RERG: variants seen among roughly 807,000 people sequenced by gnomAD.
RERG encodes the protein ras-related and estrogen-regulated growth inhibitor.
A neutral mutation model predicts 23.2 loss-of-function variants in RERG; 25 were observed. That is an observed-to-expected ratio of 1.08 (90% CI 0.79 to 1.50). RERG has a LOEUF of 1.50. Ranked by LOEUF, RERG falls within the 40% of genes most tolerant of loss-of-function variation. The probability of loss-of-function intolerance (pLI) is 0.00; values close to 1 mark genes in which losing one functional copy is unlikely to be tolerated. For missense variants in RERG, 253 were observed against 250.1 expected (o/e 1.01, Z -0.08); for synonymous variants, 81 against 89.1 (o/e 0.91, Z 0.51).
At chr12:15,124,524 T>G (rs1401968874) in intron 2 of RERG, among the ~76,000 whole-genome samples, 1 of 152,048 alleles carries the variant, frequency 6.6e-6, no homozygotes, top group African/African-American at 2.4e-5. Context: ...TGTCATTACT[T>G]TTCTTTATAG....
chr12:15,183,904 A>T (rs1864957683), intron 2 of RERG, among the ~76,000 whole-genome samples: 1 of 152,188 alleles, frequency 6.6e-6, no homozygotes, highest in Non-Finnish European at 1.5e-5. Flanking sequence ...TTCCATAAAG[A>T]GTAGAATGAG....
At chr12:15,178,990 G>A (rs549001121) in intron 2 of RERG, among the ~76,000 whole-genome samples, 1 of 152,158 alleles carries the variant, frequency 6.6e-6, no homozygotes, top group Non-Finnish European at 1.5e-5. Context: ...TTCTCCAGCT[G>A]TTCTGCCTAG....
At chr12:15,217,744 T>G in intron 1 of RERG, 141 bp from the exon 2 acceptor site, 1 of 396,224 alleles carries the variant, frequency 2.5e-6, no homozygotes, top group East Asian at 4.8e-5. Flanking sequence ...GAGAAGTCTA[T>G]GGTAACTTAC....
intron 2 of RERG, among the ~76,000 whole-genome samples, chr12:15,187,163 C>T (rs1191595103): frequency 1.3e-5 from 2 of 151,918 alleles, no homozygotes; most frequent in African/African-American, 2.4e-5. Flanking sequence ...AGGAAATAGA[C>T]TCTGAAAATT....
At chr12:15,151,659 G>A (rs1322518758) in intron 2 of RERG, among the ~76,000 whole-genome samples, 1 of 152,132 alleles carries the variant, frequency 6.6e-6, no homozygotes, top group African/African-American at 2.4e-5. Context: ...GAACTGAATG[G>A]TAGTGGATCA....
At chr12:15,215,136 G>T (rs1865422538) in intron 2 of RERG, among the ~76,000 whole-genome samples, 1 of 152,218 alleles carries the variant, frequency 6.6e-6, no homozygotes, top group African/African-American at 2.4e-5. Context: ...AGAGAAAACA[G>T]TCCAAAGAAG....
intron 2 of RERG, among the ~76,000 whole-genome samples, chr12:15,159,248 A>G (rs1001712904): frequency 6.6e-6 from 1 of 152,158 alleles, no homozygotes; most frequent in Admixed American, 6.5e-5. Flanking sequence ...CACCAGGGAG[A>G]GTCCTTTCAA....
At chr12:15,161,227 A>AAAGAAAGG (rs1864610556) in intron 2 of RERG, among the ~76,000 whole-genome samples, 1 of 121,436 alleles carries the variant, frequency 8.2e-6, no homozygotes, top group Non-Finnish European at 1.9e-5. Flanking sequence ...AGAAAGAAAG[A>AAAGAAAGG]AACAGGGGCA....
At chr12:15,170,070 AAAGT>A (rs1357145743) in intron 2 of RERG, among the ~76,000 whole-genome samples, 1 of 152,072 alleles carries the variant, frequency 6.6e-6, no homozygotes, top group African/African-American at 2.4e-5. Context: ...CGCCAGATTC[AAAGT>A]AAGTGAGAAA....
intron 2 of RERG, chr12:15,154,203 T>C (rs1196895720): frequency 6.6e-6 from 1 of 152,226 alleles, no homozygotes; most frequent in Admixed American, 6.5e-5. Flanking sequence ...AGTACAGTTA[T>C]ATATTCTGAA....
chr12:15,138,936 T>C lies in RERG; in HGVS notation c.62-17817A>G, dbSNP rs181102557. Among the ~76,000 whole-genome samples the C allele has an allele frequency of 3.4e-4, 52 of 151,648 alleles. 1 individual carries two copies. The East Asian group carries it at 8.9e-3, about 26-fold the overall frequency. On this transcript the variant is annotated intron_variant, in intron 2 of 4. Transcript: ENST00000256953. ...TCTCCTATACTATAATCTAGAAACCTTACAGTTTTGCATTTTACATTTAGG... is the reference window on the plus strand; with the variant it reads ...TCTCCTATACTATAATCTAGAAACCCTACAGTTTTGCATTTTACATTTAGG...
chr12:15,179,558 G>T (rs1041190907), intron 2 of RERG, among the ~76,000 whole-genome samples: 1 of 152,146 alleles, frequency 6.6e-6, no homozygotes, highest in Non-Finnish European at 1.5e-5. Context: ...TCTGGCTTAT[G>T]CCCCTGATTG....
intron 2 of RERG, among the ~76,000 whole-genome samples, chr12:15,162,554 T>C (rs1479181021): frequency 6.6e-6 from 1 of 152,210 alleles, no homozygotes; most frequent in Non-Finnish European, 1.5e-5. Flanking sequence ...ATAAGCATTA[T>C]ACATCCATTG....
intron 3 of RERG, among the ~76,000 whole-genome samples, chr12:15,120,782 T>A (rs1863816966): frequency 6.6e-6 from 1 of 152,198 alleles, no homozygotes; most frequent in South Asian, 2.1e-4. Flanking sequence ...AGAATGATAC[T>A]GCATTTTTCT....
intron 2 of RERG, among the ~76,000 whole-genome samples, chr12:15,173,130 T>C (rs1864799151): frequency 6.6e-6 from 1 of 152,050 alleles, no homozygotes; most frequent in Non-Finnish European, 1.5e-5. Context: ...AGGTCTATAA[T>C]CCATTTTGAG....
chr12:15,181,241 C>T (rs1263726552), intron 2 of RERG, among the ~76,000 whole-genome samples: 1 of 152,160 alleles, frequency 6.6e-6, no homozygotes, highest in Non-Finnish European at 1.5e-5. Flanking sequence ...CCCAGAAACC[C>T]AACAGCCAGC....
At chr12:15,166,494 T>TGGG (rs1555126071) in intron 2 of RERG, among the ~76,000 whole-genome samples, 28 of 145,492 alleles carry the variant, frequency 1.9e-4, no homozygotes, top group East Asian at 1.4e-3. Flanking sequence ...ATGATGATGA[T>TGGG]GATGATGGGG....
intron 2 of RERG, among the ~76,000 whole-genome samples, chr12:15,180,246 T>C (rs1171723810): frequency 1.3e-5 from 2 of 152,104 alleles, no homozygotes; most frequent in South Asian, 2.1e-4. Flanking sequence ...AAGATCAGAA[T>C]TATAAAATCA....
At chr12:15,213,143 G>T (rs1201700245) in intron 2 of RERG, among the ~76,000 whole-genome samples, 1 of 152,178 alleles carries the variant, frequency 6.6e-6, no homozygotes, top group African/African-American at 2.4e-5. Flanking sequence ...AATATAGTTA[G>T]CTGTGGCACA....
Sources: gnomAD v4.1 joint callset for allele counts (sites outside exome capture counted in the v4.1 genomes callset) on GRCh38, gnomAD v4.1.1 for gene constraint, MANE v1.5 for transcripts, NCBI Gene and HGNC (gene_info 2026-07-23, HGNC 2026-07-21) for gene names.